The following MAPKAP1 variants were observed in gnomAD, a reference collection of about 807,000 sequenced individuals.
The protein encoded by MAPKAP1 is target of rapamycin complex 2 subunit MAPKAP1.
In MAPKAP1, 20 loss-of-function variants were observed where a neutral mutation model predicts 65.7. The observed-to-expected ratio is 0.30, with a 90% CI of 0.21 to 0.44. MAPKAP1 has a LOEUF of 0.44. MAPKAP1 is among the 20% of genes least tolerant of loss of function. The pLI is 1.00. For missense variants in MAPKAP1, 423 were observed against 648.0 expected (o/e 0.65, Z 3.77); for synonymous variants, 222 against 244.3 (o/e 0.91, Z 0.85).
intron 4 of MAPKAP1, among the ~76,000 whole-genome samples, chr9:125,656,906 C>T (rs1293661431): frequency 1.3e-5 from 2 of 152,102 alleles, no homozygotes; most frequent in East Asian, 3.9e-4. Flanking sequence ...AAATAGTGGC[C>T]ATGTTTCTAA....
chr9:125,703,276 A>G (rs543515800), intron 1 of MAPKAP1, among the ~76,000 whole-genome samples: 2 of 152,232 alleles, frequency 1.3e-5, no homozygotes, highest in Non-Finnish European at 2.9e-5. Context: ...CAATAATAAT[A>G]ATTTAATGAA....
chr9:125,447,245 A>ATCTC lies in MAPKAP1; in HGVS notation c.1346-2648_1346-2647insGAGA. 3 of 377,290 alleles carry ATCTC rather than the reference A, an allele frequency of 8.0e-6. No homozygotes were observed. Among genetic ancestry groups the ATCTC allele is most frequent in the Admixed American group, 2.9e-5 (1 of 35,044 alleles). 23.4% of individuals were successfully genotyped at this position (377,290 alleles called of 1,614,324 possible). A position where few individuals can be genotyped will look rare whatever the true frequency, so the allele number is the denominator to read the frequency against. On this transcript the variant is annotated intron_variant, in intron 10 of 11. Coordinates refer to ENST00000265960, the MANE Select transcript of MAPKAP1 (RefSeq NM_001006617.3). The surrounding 1 kb of genome is among the most constrained non-coding windows in gnomAD (Gnocchi z 4.5). Reference sequence around the variant, plus strand: ...CATCTGAGGAAGAGTGAAGCAGGTGAGGAGGAGGAAGAGTCCCAACATTCC... The same window carrying ATCTC: ...CATCTGAGGAAGAGTGAAGCAGGTGATCTCGGAGGAGGAAGAGTCCCAACATTCC...
chr9:125,694,499 T>C (rs147166506), intron 1 of MAPKAP1, among the ~76,000 whole-genome samples: 13 of 152,270 alleles, frequency 8.5e-5, no homozygotes, highest in African/African-American at 2.6e-4. Context: ...CTCTTAACAT[T>C]GTTCTGAAAC....
chr9:125,597,926 T>C (rs1331837653), intron 4 of MAPKAP1, among the ~76,000 whole-genome samples: 1 of 152,168 alleles, frequency 6.6e-6, no homozygotes, highest in Non-Finnish European at 1.5e-5. Flanking sequence ...TAGGCAGACT[T>C]GGTACAGGGG....
intron 6 of MAPKAP1, among the ~76,000 whole-genome samples, chr9:125,544,292 G>A (rs1830357584): frequency 6.6e-6 from 1 of 152,032 alleles, no homozygotes; most frequent in African/African-American, 2.4e-5. Context: ...ACAGGCATAA[G>A]CCACCGCACC....
At chr9:125,655,474 G>C (rs943081838) in intron 4 of MAPKAP1, among the ~76,000 whole-genome samples, 6 of 152,104 alleles carry the variant, frequency 3.9e-5, no homozygotes, top group Non-Finnish European at 5.9e-5. Flanking sequence ...ATTTTGAGGT[G>C]TTATTTGAAT....
At chr9:125,539,780 T>G (rs985104179) in intron 7 of MAPKAP1, among the ~76,000 whole-genome samples, 2 of 152,198 alleles carry the variant, frequency 1.3e-5, no homozygotes, top group African/African-American at 2.4e-5. Flanking sequence ...AACTGGATTC[T>G]CCAATTACAA....
chr9:125,666,642 T>C (rs902215056), intron 3 of MAPKAP1, among the ~76,000 whole-genome samples: 5 of 151,980 alleles, frequency 3.3e-5, no homozygotes, highest in Admixed American at 2.0e-4. Flanking sequence ...AAGCAGAGAA[T>C]GAATAAATAA....
chr9:125,652,209 A>G lies in MAPKAP1; in HGVS notation c.498+5442T>C. ...TGAAGAGAGCTATTTAATGCCAATG[A>G]TTGTAGAAAACATTTGTTCATAATT... is the stretch of plus-strand genomic sequence containing the variant. On this transcript the variant is annotated intron_variant, in intron 4 of 11. Transcript: ENST00000265960. 3.0e-6 allele frequency: 4 copies of G among 1,316,238 alleles called. No homozygotes were observed. In the Middle Eastern group the frequency reaches 8.6e-4, roughly 282 times the overall value. The allele number at this position is 1,316,238 out of a possible 1,614,324, so 81.5% of individuals were successfully genotyped here.
At chr9:125,666,809 T>C (rs1834352119) in intron 3 of MAPKAP1, among the ~76,000 whole-genome samples, 1 of 152,216 alleles carries the variant, frequency 6.6e-6, no homozygotes, top group Non-Finnish European at 1.5e-5. Context: ...TCTAGCATGC[T>C]TCAATACACC....
In MAPKAP1 at chr9:125,707,170, G is replaced by A. The variant is rs1304911368; in HGVS notation, c.-269C>T. On this transcript the variant is annotated 5_prime_UTR_variant, in exon 1 of 12. Coordinates refer to ENST00000265960, the MANE Select transcript of MAPKAP1 (RefSeq NM_001006617.3). Reference sequence around the variant, plus strand: ...CCCCTGCTGCTCGCCGCCGCCGGCCGGCCGAGCAGCAGCCCTATTACCCCG... The same window carrying A: ...CCCCTGCTGCTCGCCGCCGCCGGCCAGCCGAGCAGCAGCCCTATTACCCCG... 1 of 397,936 alleles carries A rather than the reference G, an allele frequency of 2.5e-6. No homozygotes were observed. The highest frequency in any genetic ancestry group is 4.4e-6 in the Non-Finnish European group (1 of 225,704). 24.7% of individuals were successfully genotyped at this position (397,936 alleles called of 1,614,324 possible).
chr9:125,492,035 T>TAA (rs33954490), intron 8 of MAPKAP1, among the ~76,000 whole-genome samples: 39,902 of 125,044 alleles, frequency 0.32, 6,910 homozygotes, highest in Non-Finnish European at 0.41. Flanking sequence ...TACTGAAAGT[T>TAA]AAAAAAAAAA....
At chr9:125,636,351 T>G (rs1029842808) in intron 4 of MAPKAP1, among the ~76,000 whole-genome samples, 1 of 152,188 alleles carries the variant, frequency 6.6e-6, no homozygotes. Context: ...CCAAACACTT[T>G]AAAAACACTA....
chr9:125,462,279 G>C (rs988995369), intron 10 of MAPKAP1, among the ~76,000 whole-genome samples: 1 of 152,176 alleles, frequency 6.6e-6, no homozygotes, highest in Non-Finnish European at 1.5e-5. Context: ...TCCTTTGTTG[G>C]GGGTGGGCTG....
At chr9:125,528,074 G>A (rs150491909) in intron 7 of MAPKAP1, among the ~76,000 whole-genome samples, 14 of 152,266 alleles carry the variant, frequency 9.2e-5, no homozygotes, top group African/African-American at 3.4e-4. Context: ...GGCCAGCTGC[G>A]GTGCTGGTAA....
Position 125,707,155 on chromosome 9 carries a change from T to TCGC in MAPKAP1, c.-257_-255dup, listed in dbSNP as rs1012101305. 7.5e-6 allele frequency: 3 copies of TCGC among 398,010 alleles called. No individual in the cohort carries two copies. The highest frequency in any genetic ancestry group is 2.1e-5 in the African/African-American group (1 of 48,688). 24.7% of individuals were successfully genotyped at this position (398,010 alleles called of 1,614,324 possible). A position where few individuals can be genotyped will look rare whatever the true frequency, so the allele number is the denominator to read the frequency against. On this transcript the variant is annotated 5_prime_UTR_variant, in exon 1 of 12. Coordinates refer to ENST00000265960, the MANE Select transcript of MAPKAP1 (RefSeq NM_001006617.3). ...GGGTTAGCCCTCATGCCCCTGCTGC[T>TCGC]CGCCGCCGCCGGCCGGCCGAGCAGC...
At chr9:125,542,592 CTT>C (rs199648744) in intron 7 of MAPKAP1, among the ~76,000 whole-genome samples, 1 of 148,572 alleles carries the variant, frequency 6.7e-6, no homozygotes, top group African/African-American at 2.5e-5. Context: ...TTTTATTCGT[CTT>C]TTTTTTTTAA....
chr9:125,553,968 C>T (rs1830661435), intron 6 of MAPKAP1, among the ~76,000 whole-genome samples: 1 of 151,874 alleles, frequency 6.6e-6, no homozygotes, highest in East Asian at 1.9e-4. Flanking sequence ...GCCTGGGAGG[C>T]AGAGGTTGCA....
intron 10 of MAPKAP1, among the ~76,000 whole-genome samples, chr9:125,451,490 C>G (rs971190659): frequency 6.6e-6 from 1 of 152,134 alleles, no homozygotes; most frequent in Admixed American, 6.5e-5. Context: ...CCTGAAGCAG[C>G]TATGTGGCCT....
Sources: gnomAD v4.1 joint callset for allele counts (sites outside exome capture counted in the v4.1 genomes callset) on GRCh38, gnomAD v4.1.1 for gene constraint, Gnocchi (gnomAD v3.1) non-coding constraint, MANE v1.5 for transcripts, NCBI Gene and HGNC (gene_info 2026-07-23, HGNC 2026-07-21) for gene names.